Variants in FUBP3 observed in about 807,000 individuals in gnomAD.
The protein encoded by FUBP3 is far upstream element binding protein 3.
A neutral mutation model predicts 85.6 loss-of-function variants in FUBP3; 28 were observed. That is an observed-to-expected ratio of 0.33 (90% CI 0.24 to 0.45). FUBP3 has a LOEUF of 0.45. FUBP3 is among the 20% of genes least tolerant of loss of function. FUBP3 has a pLI of 1.00. For missense variants in FUBP3, 583 were observed against 755.1 expected (o/e 0.77, Z 2.67); for synonymous variants, 271 against 271.4 (o/e 1.00, Z 0.01).
At chr9:130,610,795 G>A (rs545576540) in intron 3 of FUBP3, among the ~76,000 whole-genome samples, 64 of 152,210 alleles carry the variant, frequency 4.2e-4, no homozygotes, top group African/African-American at 1.0e-3. Flanking sequence ...AGAAATCACC[G>A]GTCATCAGTT....
chr9:130,638,226 A>C lies in FUBP3; in HGVS notation c.*1204A>C, dbSNP rs1830479658. 6.6e-6 allele frequency: 1 copy of C among 152,610 alleles called. No homozygotes were observed. Among genetic ancestry groups the C allele is most frequent in the South Asian group, 2.1e-4 (1 of 4,830 alleles). 9.5% of individuals were successfully genotyped at this position (152,610 alleles called of 1,614,324 possible). A position where few individuals can be genotyped will look rare whatever the true frequency, so the allele number is the denominator to read the frequency against. ...TAATGCTTGAAATGTCTAACTATTA[A>C]AAAAGACAATTGGAAAATGTTATGC... On this transcript the variant is annotated 3_prime_UTR_variant, in exon 19 of 19. Transcript: ENST00000319725.
Position 130,612,916 on chromosome 9 carries a change from A to C in FUBP3, c.275-40A>C. ...GTCATTCCTGCGTGGTGAAATATGG[A>C]ATAGGGGCGTGTATTCTGACCCTGT... On this transcript the variant is annotated intron_variant, in intron 4 of 18. Transcript: ENST00000319725. This position sits in a 1 kb window ranked among gnomAD's most constrained non-coding sequence, Gnocchi z 4.1. 7.6e-7 allele frequency: 1 copy of C among 1,315,446 alleles called. No individual in the cohort carries two copies. Among genetic ancestry groups the C allele is most frequent in the Non-Finnish European group, 1.1e-6 (1 of 908,508 alleles). 81.5% of individuals were successfully genotyped at this position (1,315,446 alleles called of 1,614,324 possible).
At chr9:130,625,361 TTG>T (rs1334574584) in intron 11 of FUBP3, among the ~76,000 whole-genome samples, 2 of 152,262 alleles carry the variant, frequency 1.3e-5, no homozygotes, top group Admixed American at 6.5e-5. Context: ...TACTTGGCAG[TTG>T]TCTCATAAGA....
At chr9:130,618,897 A>G (rs1832152003) in intron 8 of FUBP3, among the ~76,000 whole-genome samples, 1 of 152,208 alleles carries the variant, frequency 6.6e-6, no homozygotes, top group East Asian at 1.9e-4. Context: ...AGTGGTGGGT[A>G]TGGTTCTGCC....
intron 1 of FUBP3, among the ~76,000 whole-genome samples, chr9:130,580,324 C>T (rs1830081223): frequency 1.3e-5 from 2 of 152,186 alleles, no homozygotes; most frequent in African/African-American, 4.8e-5. Flanking sequence ...CTTGCCTCTA[C>T]TGGGGAGAAT....
chr9:130,632,164 C>T lies in FUBP3; in HGVS notation c.1434-38C>T, dbSNP rs370451334. The T allele has an allele frequency of 3.9e-6, 6 of 1,550,112 alleles. No individual in the cohort carries two copies. The African/African-American group carries it at 6.8e-5, about 18-fold the overall frequency. ...AGAGGGAGACGACAGGGGTGACTTG[C>T]CCCCTATAGGAACGAGTGACCCTCT... On this transcript the variant is annotated intron_variant, in intron 15 of 18. Transcript: ENST00000319725.
At chr9:130,602,051 C>T (rs373701077) in intron 2 of FUBP3, among the ~76,000 whole-genome samples, 1 of 152,274 alleles carries the variant, frequency 6.6e-6, no homozygotes, top group Admixed American at 6.5e-5. Flanking sequence ...CCACCTGCCT[C>T]GGCCTCCCAG....
intron 11 of FUBP3, 76 bp downstream of exon 11, chr9:130,623,787 A>T: frequency 1.1e-6 from 1 of 874,066 alleles, no homozygotes; most frequent in Non-Finnish European, 1.8e-6. Flanking sequence ...TCGGTGCAGC[A>T]CCATAGAGCT....
rs1207943638 is a variant in FUBP3 at position 130,632,009 on chromosome 9, A to G, written c.1420A>G (p.Ser474Gly). Residue 474 changes from serine to glycine, a missense_variant, in exon 15 of 19, where the codon AGC becomes GGC. This residue lies in a region of FUBP3 where 404 missense variants were observed against 516.8 expected (regional missense o/e 0.78). Coordinates refer to ENST00000319725, the MANE Select transcript of FUBP3 (RefSeq NM_003934.2). ...MAAKVNGNPHSTPVSGPPAFL... is the reference protein window; with the variant it reads ...MAAKVNGNPHGTPVSGPPAFL... ...TGCCAAGGTGAATGGGAACCCCCAC[A>G]GCACCCCTGTGAGGTAGGTGACCTG... The G allele has an allele frequency of 6.2e-7, 1 of 1,611,988 alleles. No homozygotes were observed. The highest frequency in any genetic ancestry group is 1.3e-5 in the African/African-American group (1 of 74,896).
chr9:130,622,776 G>A lies in FUBP3; in HGVS notation c.840G>A (p.Gln280=). 6.3e-7 allele frequency: 1 copy of A among 1,594,016 alleles called. No individual in the cohort carries two copies. Residue 280 remains glutamine (Q), a synonymous_variant, in exon 10 of 19, where the codon CAG becomes CAA. Coordinates refer to ENST00000319725, the MANE Select transcript of FUBP3 (RefSeq NM_003934.2). ...GRNGEMIKKI[Q]NDAGVRIQFK... is the part of the protein sequence containing the mutation. ...ACGGGGAAATGATCAAAAAGATCCA[G>A]AATGATGCTGGTGTGAGGATTCAGT... is the stretch of plus-strand genomic sequence containing the variant.
At chr9:130,601,947 G>A (rs915243028) in intron 2 of FUBP3, among the ~76,000 whole-genome samples, 7 of 151,822 alleles carry the variant, frequency 4.6e-5, no homozygotes, top group African/African-American at 7.3e-5. Flanking sequence ...GATTACAGGC[G>A]TGCGCCACCA....
rs1378907896 is a variant in FUBP3 at position 130,579,758 on chromosome 9, C to A, written c.78C>A (p.Val26=). 3 of 1,278,494 alleles carry A rather than the reference C, an allele frequency of 2.3e-6. No homozygotes were observed. Among genetic ancestry groups the A allele is most frequent in the East Asian group, 2.9e-5 (1 of 34,466 alleles). 79.2% of individuals were successfully genotyped at this position (1,278,494 alleles called of 1,614,324 possible). ...AEGFVDALHR[V]RQIAAKIDSI... is the part of the protein sequence containing the mutation. ...GCTTCGTGGATGCCCTGCACCGGGT[C>A]CGGCAGGTACGGGCGCAGCCGGCTG... Residue 26 remains valine (V), a synonymous_variant, in exon 1 of 19, where the codon GTC becomes GTA. Coordinates refer to ENST00000319725, the MANE Select transcript of FUBP3 (RefSeq NM_003934.2).
At position 130,619,759 on chromosome 9, in the gene FUBP3, G is replaced by A. The variant is rs531618698; in HGVS notation, c.667-595G>A. 9.8e-5 allele frequency among the ~76,000 whole-genome samples: 15 copies of A among 152,318 alleles called. No individual in the cohort carries two copies. The South Asian group carries it at 3.1e-3, about 32-fold the overall frequency. Reference sequence around the variant, plus strand: ...GGGAGAAGAACACTTGAATCTGCCTGGGATATAGTGACGTCCACAAGGAAG... The same window carrying A: ...GGGAGAAGAACACTTGAATCTGCCTAGGATATAGTGACGTCCACAAGGAAG... On this transcript the variant is annotated intron_variant, in intron 8 of 18. Coordinates refer to ENST00000319725, the MANE Select transcript of FUBP3 (RefSeq NM_003934.2).
intron 9 of FUBP3, 21 bp from the exon 10 acceptor site, chr9:130,622,687 G>A (rs542007455): frequency 2.5e-5 from 31 of 1,252,436 alleles, no homozygotes; most frequent in Non-Finnish European, 3.4e-5. Flanking sequence ...TTCTGATGTG[G>A]TTTGGTTTCT....
chr9:130,633,006 A>G (rs1160554214), intron 16 of FUBP3, among the ~76,000 whole-genome samples: 5 of 152,324 alleles, frequency 3.3e-5, no homozygotes, highest in Non-Finnish European at 7.3e-5. Context: ...GCAGATTCCC[A>G]CAGCACCCAG....
rs1374682144 is a variant in FUBP3, at chr9:130,589,699, A to AT, written c.85-5783dup. Among the ~76,000 whole-genome samples the AT allele has an allele frequency of 6.4e-3, 182 of 28,500 alleles. 3 individuals carry two copies. The highest frequency in any genetic ancestry group is 0.025 in the African/African-American group (120 of 4,838). The allele number at this position is 28,500 out of a possible 152,430, so 18.7% of individuals were successfully genotyped here. A position where few individuals can be genotyped will look rare whatever the true frequency, so the allele number is the denominator to read the frequency against. ...TGTATATATATATATATATATATATATATATATTTTTTTTTTTTTTTTTTT... is the reference window on the plus strand; with the variant it reads ...TGTATATATATATATATATATATATATTATATATTTTTTTTTTTTTTTTTTT... On this transcript the variant is annotated intron_variant, in intron 1 of 18. Transcript: ENST00000319725.
intron 16 of FUBP3, among the ~76,000 whole-genome samples, chr9:130,634,256 C>T (rs1468169766): frequency 6.6e-6 from 1 of 152,246 alleles, no homozygotes; most frequent in Non-Finnish European, 1.5e-5. Context: ...TACCCCTGCT[C>T]CACATGGCCC....
At chr9:130,580,193 C>G (rs1311813831) in intron 1 of FUBP3, among the ~76,000 whole-genome samples, 2 of 152,172 alleles carry the variant, frequency 1.3e-5, no homozygotes, top group African/African-American at 4.8e-5. Context: ...TTTAGACTTT[C>G]TGTTGAGTAG....
chr9:130,600,911 G>A (rs1831123937), intron 2 of FUBP3, among the ~76,000 whole-genome samples: 1 of 152,088 alleles, frequency 6.6e-6, no homozygotes, highest in Non-Finnish European at 1.5e-5. Flanking sequence ...GGGAGGTCAA[G>A]ACCACAGTAA....
Sources: gnomAD v4.1 joint callset for allele counts (sites outside exome capture counted in the v4.1 genomes callset) on GRCh38, gnomAD v4.1.1 for gene constraint, gnomAD v4.1.1 regional missense constraint, Gnocchi (gnomAD v3.1) non-coding constraint, MANE v1.5 for transcripts, NCBI Gene and HGNC (gene_info 2026-07-23, HGNC 2026-07-21) for gene names.